The following ARSF variants were observed in gnomAD, a reference collection of about 807,000 sequenced individuals.
The protein encoded by ARSF is arylsulfatase F.
ARSF carries 33 observed loss-of-function variants against 35.4 expected under a neutral mutation model. The observed-to-expected ratio is 0.93, with a 90% CI of 0.71 to 1.25. ARSF has a LOEUF of 1.25. ARSF is among the 50% of genes most tolerant of loss of function. The probability of loss-of-function intolerance (pLI) is 0.00; values close to 1 mark genes in which losing one functional copy is unlikely to be tolerated. For synonymous variants in ARSF, 222 were observed against 193.1 expected (o/e 1.15, Z -1.24); for missense variants, 501 against 480.2 (o/e 1.04, Z -0.40).
In ARSF at chrX:3,082,065, C is replaced by G. The variant is rs2090205507; in HGVS notation, c.406+1052C>G. ...GAAGCACAGGCATTCTTGATGGGGC[C>G]CTCACCACATACAGGAAGCTGTTAA... On this transcript the variant is annotated intron_variant, in intron 5 of 10. Coordinates refer to ENST00000381127, the MANE Select transcript of ARSF (RefSeq NM_001201539.2). Among the ~76,000 whole-genome samples the G allele has an allele frequency of 2.7e-5, 3 of 111,304 alleles. No individual in the cohort carries two copies. In the South Asian group the frequency reaches 1.2e-3, roughly 43 times the overall value.
chrX:3,078,045 C>A (rs1021625526), intron 4 of ARSF, among the ~76,000 whole-genome samples: 2 of 108,808 alleles, frequency 1.8e-5, no homozygotes, highest in Admixed American at 2.0e-4. Flanking sequence ...CTTAGGTGAT[C>A]CACCCACCTC....
At chrX:3,045,204 G>T (rs2089969715) in intron 1 of ARSF, among the ~76,000 whole-genome samples, 1 of 111,873 alleles carries the variant, frequency 8.9e-6, no homozygotes, top group Admixed American at 9.6e-5. Flanking sequence ...TGGCCACGTG[G>T]TCACACATGG....
At chrX:3,094,668 G>A (rs963126784) in intron 7 of ARSF, among the ~76,000 whole-genome samples, 6 of 111,305 alleles carry the variant, frequency 5.4e-5, no homozygotes, top group Non-Finnish European at 1.1e-4. Flanking sequence ...GGTCTTGGCT[G>A]AGCCTGTTGT....
At chrX:3,079,229 C>T (rs1271870550) in intron 4 of ARSF, among the ~76,000 whole-genome samples, 1 of 111,475 alleles carries the variant, frequency 9.0e-6, no homozygotes, top group East Asian at 2.8e-4. Flanking sequence ...CAACTATGAA[C>T]ATACATGTAC....
At chrX:3,042,455 G>A (rs992259474) in intron 1 of ARSF, among the ~76,000 whole-genome samples, 1 of 111,494 alleles carries the variant, frequency 9.0e-6, no homozygotes, top group Admixed American at 9.6e-5. Context: ...TAAAAAATAT[G>A]TTCTTATTCA....
intron 1 of ARSF, among the ~76,000 whole-genome samples, chrX:3,059,422 G>A (rs187302036): frequency 2.7e-5 from 3 of 112,247 alleles, no homozygotes; most frequent in African/African-American, 9.7e-5. Flanking sequence ...GAGGTATCTT[G>A]TTCATCTAAT....
intron 1 of ARSF, among the ~76,000 whole-genome samples, chrX:3,044,178 A>G (rs150499888): frequency 0.02 from 2,269 of 112,552 alleles, 28 homozygotes; most frequent in Middle Eastern, 0.06. Flanking sequence ...AAGAAAAGTA[A>G]GTGCTTATCA....
intron 3 of ARSF, among the ~76,000 whole-genome samples, chrX:3,075,451 G>A (rs187508734): frequency 9.8e-6 from 1 of 101,896 alleles, no homozygotes; most frequent in East Asian, 3.2e-4. Context: ...CTCTTTCTAT[G>A]CCTATGCGTG....
chrX:3,049,206 G>A (rs990857522), intron 1 of ARSF, among the ~76,000 whole-genome samples: 4 of 112,253 alleles, frequency 3.6e-5, no homozygotes, highest in African/African-American at 6.5e-5. Flanking sequence ...CATGTAAGAC[G>A]TACATTGTTT....
At chrX:3,079,057 G>A (rs192842869) in intron 4 of ARSF, among the ~76,000 whole-genome samples, 6 of 111,192 alleles carry the variant, frequency 5.4e-5, no homozygotes, top group East Asian at 2.8e-4. Flanking sequence ...TGTGACTGGC[G>A]TCTGTCACCA....
At chrX:3,104,278 A>G (rs1420066100) in intron 9 of ARSF, among the ~76,000 whole-genome samples, 2 of 110,032 alleles carry the variant, frequency 1.8e-5, no homozygotes, top group African/African-American at 6.6e-5. Flanking sequence ...ATTCACTATT[A>G]TTTATTTTTA....
intron 1 of ARSF, among the ~76,000 whole-genome samples, chrX:3,063,736 TC>T (rs2090051908): frequency 9.0e-6 from 1 of 111,385 alleles, no homozygotes; most frequent in African/African-American, 3.3e-5. Flanking sequence ...TACCTAGGAA[TC>T]CAACTTACAA....
At chrX:3,074,436 C>G (rs138761758) in intron 3 of ARSF, among the ~76,000 whole-genome samples, 1,154 of 111,273 alleles carry the variant, frequency 0.01, 40 homozygotes, top group Admixed American at 0.093. Flanking sequence ...GTCATAATTT[C>G]TCTCATGAAT....
intron 4 of ARSF, among the ~76,000 whole-genome samples, chrX:3,078,108 A>G (rs1270559173): frequency 3.6e-5 from 4 of 109,980 alleles, no homozygotes; most frequent in African/African-American, 9.9e-5. Context: ...CCGGCCATAT[A>G]TCAATTTTAG....
rs778053879 is a variant in ARSF, at chrX:3,102,844, G to A, written c.1103-918G>A. Among the ~76,000 whole-genome samples the A allele has an allele frequency of 2.9e-4, 32 of 110,184 alleles. No individual in the cohort carries two copies. In the South Asian group the frequency reaches 6.4e-3, roughly 22 times the overall value. On this transcript the variant is annotated intron_variant, in intron 8 of 10. Transcript: ENST00000381127. Reference sequence around the variant, plus strand: ...GGAGAATGGCGTGAACCCAGGAGGCGGAGGTTGCAGTGAGCCGCGATAGCA... The same window carrying A: ...GGAGAATGGCGTGAACCCAGGAGGCAGAGGTTGCAGTGAGCCGCGATAGCA...
At chrX:3,079,225 T>G (rs1009151878) in intron 4 of ARSF, among the ~76,000 whole-genome samples, 1 of 111,910 alleles carries the variant, frequency 8.9e-6, no homozygotes. Flanking sequence ...AATACAACTA[T>G]GAACATACAT....
chrX:3,053,445 C>T (rs1391469254), intron 1 of ARSF, among the ~76,000 whole-genome samples: 17 of 108,355 alleles, frequency 1.6e-4, no homozygotes, highest in African/African-American at 5.7e-4. Flanking sequence ...TCTAGTGCCT[C>T]AGCCTCCCGA....
At chrX:3,053,864 C>T (rs754352164) in intron 1 of ARSF, among the ~76,000 whole-genome samples, 15 of 106,520 alleles carry the variant, frequency 1.4e-4, no homozygotes, top group Admixed American at 8.2e-4. Context: ...CAGGTTCAAG[C>T]GATTTTCCTG....
At chrX:3,101,849 GA>G (rs2090378364) in intron 8 of ARSF, among the ~76,000 whole-genome samples, 2 of 111,987 alleles carry the variant, frequency 1.8e-5, no homozygotes, top group South Asian at 3.7e-4. Flanking sequence ...AAAAGAAAAA[GA>G]AAAAAGATAA....
Sources: allele counts gnomAD v4.1 joint callset (sites outside exome capture counted in the v4.1 genomes callset), GRCh38; gene constraint gnomAD v4.1.1; transcripts MANE v1.5; gene names NCBI Gene and HGNC (gene_info 2026-07-23, HGNC 2026-07-21).